Variants in CAMK2A observed in about 807,000 individuals in gnomAD.
CAMK2A encodes the protein calcium/calmodulin-dependent protein kinase type II subunit alpha.
A neutral mutation model predicts 79.2 loss-of-function variants in CAMK2A; 7 were observed. That is an observed-to-expected ratio of 0.09 (90% CI 0.05 to 0.17). CAMK2A has a LOEUF of 0.17. Ranked by LOEUF, CAMK2A falls within the 10% of genes least tolerant of loss-of-function variation. CAMK2A has a pLI of 1.00. For synonymous variants in CAMK2A, 242 were observed against 251.7 expected, an observed-to-expected ratio of 0.96 and a Z score of 0.36; for missense variants, 214 against 646.4, an observed-to-expected ratio of 0.33 and a Z score of 7.25.
intron 2 of CAMK2A, among the ~76,000 whole-genome samples, chr5:150,268,952 A>T (rs1422223172): frequency 6.6e-6 from 1 of 151,848 alleles, no homozygotes; most frequent in African/African-American, 2.4e-5. Flanking sequence ...TTTAATAGAG[A>T]TGGGGGTCTC....
chr5:150,222,835 C>A (rs375900133), intron 18 of CAMK2A, 122 bp from the exon 19 acceptor site: 16 of 1,411,830 alleles, frequency 1.1e-5, no homozygotes, highest in African/African-American at 8.5e-5. Context: ...GCTCTTCCCC[C>A]AGACCTGCAG....
At chr5:150,269,450 T>G (rs1204668828) in intron 2 of CAMK2A, among the ~76,000 whole-genome samples, 1 of 151,336 alleles carries the variant, frequency 6.6e-6, no homozygotes, top group Non-Finnish European at 1.5e-5. Flanking sequence ...CTGGGCTCGG[T>G]GATTCTCCCT....
At chr5:150,266,499 G>T (rs1756519484) in intron 2 of CAMK2A, among the ~76,000 whole-genome samples, 1 of 152,160 alleles carries the variant, frequency 6.6e-6, no homozygotes, top group Admixed American at 6.5e-5. Flanking sequence ...GCCAAGCACT[G>T]TGCAGAGGGC....
chr5:150,222,172 T>G lies in CAMK2A; in HGVS notation c.*538A>C. 1 of 348,358 alleles carries G rather than the reference T, an allele frequency of 2.9e-6. No homozygotes were observed. Among genetic ancestry groups the G allele is most frequent in the Non-Finnish European group, 5.5e-6 (1 of 182,748 alleles). The allele number at this position is 348,358 out of a possible 1,614,324, so 21.6% of individuals were successfully genotyped here. A position where few individuals can be genotyped will look rare whatever the true frequency, so the allele number is the denominator to read the frequency against. ...AGGTCAGCACAGGAGGAAGAAGACT[T>G]AGGGGAGCACTTTGAGGCAGGAGGC... On this transcript the variant is annotated 3_prime_UTR_variant, in exon 19 of 19. Transcript: ENST00000671881.
At position 150,219,870 on chromosome 5, in the gene CAMK2A, T is replaced by TTTATTATTATTATTA. The variant is rs147490193; in HGVS notation, c.*2825_*2839dup. 165 of 138,866 alleles carry TTTATTATTATTATTA rather than the reference T, an allele frequency of 1.2e-3. No individual in the cohort carries two copies. The highest frequency in any genetic ancestry group is 3.8e-3 in the African/African-American group (149 of 39,464). 8.6% of individuals were successfully genotyped at this position (138,866 alleles called of 1,614,324 possible). A position where few individuals can be genotyped will look rare whatever the true frequency, so the allele number is the denominator to read the frequency against. Reference sequence around the variant, plus strand: ...TTGGGTTTGGATTTTTATTTATTTATTTATTATTATTATTATTATTATTTT... The same window carrying TTTATTATTATTATTA: ...TTGGGTTTGGATTTTTATTTATTTATTTATTATTATTATTATTATTATTATTATTATTATTATTTT... On this transcript the variant is annotated 3_prime_UTR_variant, in exon 19 of 19. Transcript: ENST00000671881.
intron 17 of CAMK2A, among the ~76,000 whole-genome samples, chr5:150,227,733 T>C (rs1406323440): frequency 6.6e-6 from 1 of 152,028 alleles, no homozygotes; most frequent in African/African-American, 2.4e-5. Flanking sequence ...TCCTCCTCTT[T>C]CCCAAACTGC....
chr5:150,281,417 C>A (rs1413677432), intron 1 of CAMK2A, among the ~76,000 whole-genome samples: 1 of 152,242 alleles, frequency 6.6e-6, no homozygotes, highest in Non-Finnish European at 1.5e-5. Flanking sequence ...AGAGAAAGAG[C>A]TGGGGTTGGC....
intron 1 of CAMK2A, among the ~76,000 whole-genome samples, chr5:150,275,795 T>A (rs1442227135): frequency 6.6e-6 from 1 of 151,872 alleles, no homozygotes; most frequent in East Asian, 1.9e-4. Flanking sequence ...TTGGGGTGTG[T>A]CACCTTCGGG....
intron 3 of CAMK2A, among the ~76,000 whole-genome samples, chr5:150,263,566 T>TAC (rs912597931): frequency 8.0e-5 from 12 of 149,238 alleles, no homozygotes; most frequent in African/African-American, 2.2e-4. Flanking sequence ...CACTGTCACA[T>TAC]ACACACACAC....
At chr5:150,248,386 G>A (rs1755669548) in intron 11 of CAMK2A, among the ~76,000 whole-genome samples, 2 of 150,020 alleles carry the variant, frequency 1.3e-5, no homozygotes, top group Non-Finnish European at 3.0e-5. Context: ...TGCACAACGT[G>A]CAGGTTTGTT....
In CAMK2A at chr5:150,253,433, A is replaced by G. The variant is rs550458929; in HGVS notation, c.514+11T>C. On this transcript the variant is annotated intron_variant, in intron 7 of 18. Coordinates refer to ENST00000671881, the MANE Select transcript of CAMK2A (RefSeq NM_015981.4). ...TGACCCCCAACACTTCTGCCAGCCC[A>G]CCCCACTTACCAAACCATGCCTGCT... 6.2e-7 allele frequency: 1 copy of G among 1,606,400 alleles called. No individual in the cohort carries two copies. Among genetic ancestry groups the G allele is most frequent in the African/African-American group, 1.3e-5 (1 of 74,780 alleles).
intron 4 of CAMK2A, 66 bp downstream of exon 4, chr5:150,257,497 G>T: frequency 7.3e-7 from 1 of 1,375,266 alleles, no homozygotes; most frequent in Non-Finnish European, 1.0e-6. Context: ...AAGAGGTCCA[G>T]TGAGGCCATC....
intron 1 of CAMK2A, among the ~76,000 whole-genome samples, chr5:150,287,040 A>C (rs1020553251): frequency 6.6e-6 from 1 of 152,216 alleles, no homozygotes; most frequent in African/African-American, 2.4e-5. Context: ...GATGAGGGAC[A>C]GCGCCTGTGT....
rs1314216392 is a variant in CAMK2A at position 150,220,650 on chromosome 5, G to A, written c.*2060C>T. 6.6e-6 allele frequency: 1 copy of A among 152,332 alleles called. No homozygotes were observed. Among genetic ancestry groups the A allele is most frequent in the Non-Finnish European group, 1.5e-5 (1 of 68,058 alleles). The allele number at this position is 152,332 out of a possible 1,614,324, so 9.4% of individuals were successfully genotyped here. A position where few individuals can be genotyped will look rare whatever the true frequency, so the allele number is the denominator to read the frequency against. ...AGGGGACAGGTGGTTTTGCCCCTGG[G>A]ATAATGGGATCACTGGGCCTTACTG... is the stretch of plus-strand genomic sequence containing the variant. On this transcript the variant is annotated 3_prime_UTR_variant, in exon 19 of 19. Transcript: ENST00000671881.
chr5:150,270,267 G>A (rs868379272), intron 2 of CAMK2A, among the ~76,000 whole-genome samples: 17 of 152,344 alleles, frequency 1.1e-4, no homozygotes, highest in South Asian at 4.1e-4. Flanking sequence ...TGGAACTCAG[G>A]CAGCTGCCTT....
rs1168385933 is a variant in CAMK2A, at chr5:150,221,492, G to A, written c.*1218C>T. 4 of 398,604 alleles carry A rather than the reference G, an allele frequency of 1.0e-5. No individual in the cohort carries two copies. Among genetic ancestry groups the A allele is most frequent in the African/African-American group, 8.2e-5 (4 of 48,612 alleles). 24.7% of individuals were successfully genotyped at this position (398,604 alleles called of 1,614,324 possible). A position where few individuals can be genotyped will look rare whatever the true frequency, so the allele number is the denominator to read the frequency against. On this transcript the variant is annotated 3_prime_UTR_variant, in exon 19 of 19. Coordinates refer to ENST00000671881, the MANE Select transcript of CAMK2A (RefSeq NM_015981.4). ...ATATGGTGAGATGAAATCCTGGGAA[G>A]TTCGGTAGAGAAGACCCCAGTTTGC...
chr5:150,222,896 G>T, intron 18 of CAMK2A, 93 bp downstream of exon 18: 1 of 1,401,826 alleles, frequency 7.1e-7, no homozygotes, highest in Non-Finnish European at 1.0e-6. Context: ...GCCTTTCAGA[G>T]CTGAAGGCAG....
intron 3 of CAMK2A, among the ~76,000 whole-genome samples, chr5:150,262,927 AG>A (rs1423266354): frequency 2.0e-5 from 3 of 152,150 alleles, no homozygotes. Context: ...TAGTGCCTCC[AG>A]TAACCACTAA....
intron 1 of CAMK2A, among the ~76,000 whole-genome samples, chr5:150,280,976 T>C (rs1488088921): frequency 6.6e-6 from 1 of 152,220 alleles, no homozygotes; most frequent in Non-Finnish European, 1.5e-5. Flanking sequence ...CTGTGCATTG[T>C]TCTGGGCAAA....
Sources: allele counts gnomAD v4.1 joint callset (sites outside exome capture counted in the v4.1 genomes callset), GRCh38; gene constraint gnomAD v4.1.1; transcripts MANE v1.5; gene names NCBI Gene and HGNC (gene_info 2026-07-23, HGNC 2026-07-21).